TMEM132D: variants seen among roughly 807,000 people sequenced by gnomAD.
TMEM132D encodes the protein transmembrane protein 132D.
TMEM132D carries 21 observed loss-of-function variants against 62.3 expected under a neutral mutation model. The observed-to-expected ratio is 0.34, with a 90% CI of 0.24 to 0.49. TMEM132D has a LOEUF of 0.49. TMEM132D is among the 20% of genes least tolerant of loss of function. The pLI is 0.99. For missense variants in TMEM132D, 1,346 were observed against 1,402.8 expected (o/e 0.96, Z 0.65); for synonymous variants, 621 against 575.6 (o/e 1.08, Z -1.13).
At chr12:129,590,718 C>T (rs1324173110) in intron 2 of TMEM132D, among the ~76,000 whole-genome samples, 1 of 152,188 alleles carries the variant, frequency 6.6e-6, no homozygotes, top group African/African-American at 2.4e-5. Flanking sequence ...TCAATGGCAA[C>T]AGGGCTTGGG....
intron 1 of TMEM132D, among the ~76,000 whole-genome samples, chr12:129,790,310 C>CT (rs1303915331): frequency 6.6e-5 from 10 of 152,292 alleles, no homozygotes; most frequent in Non-Finnish European, 1.3e-4. Flanking sequence ...GTGTGGCAGT[C>CT]TTTTGCACTC....
At chr12:129,328,391 C>T (rs35557352) in intron 4 of TMEM132D, among the ~76,000 whole-genome samples, 6 of 152,160 alleles carry the variant, frequency 3.9e-5, no homozygotes, top group African/African-American at 1.4e-4. Context: ...TACATCATAG[C>T]TTATTTGTTC....
At chr12:129,757,918 T>C (rs188529381) in intron 1 of TMEM132D, among the ~76,000 whole-genome samples, 1 of 152,164 alleles carries the variant, frequency 6.6e-6, no homozygotes, top group Non-Finnish European at 1.5e-5. Context: ...ATTTTATTTT[T>C]TTGAGACAAA....
At chr12:129,137,445 A>C (rs1876617730) in intron 5 of TMEM132D, among the ~76,000 whole-genome samples, 1 of 152,198 alleles carries the variant, frequency 6.6e-6, no homozygotes, top group Admixed American at 6.5e-5. Flanking sequence ...AGGCTAAGTC[A>C]CTTGCTTAAG....
chr12:129,372,256 GCAA>G (rs1193991242), intron 3 of TMEM132D, among the ~76,000 whole-genome samples: 1 of 152,198 alleles, frequency 6.6e-6, no homozygotes, highest in Non-Finnish European at 1.5e-5. Context: ...CTGCAGGAGA[GCAA>G]ATTTGTATTG....
At chr12:129,330,482 T>G (rs1869068356) in intron 4 of TMEM132D, among the ~76,000 whole-genome samples, 2 of 152,198 alleles carry the variant, frequency 1.3e-5, no homozygotes, top group African/African-American at 4.8e-5. Context: ...GGCCCTACAC[T>G]CGTGAATGAA....
chr12:129,106,278 A>G (rs1162596645), intron 5 of TMEM132D, among the ~76,000 whole-genome samples: 2 of 106,732 alleles, frequency 1.9e-5, no homozygotes, highest in African/African-American at 8.1e-5. Flanking sequence ...GGGAGGGCGG[A>G]GGGGGGAGGG....
intron 1 of TMEM132D, among the ~76,000 whole-genome samples, chr12:129,893,361 G>A (rs1416273757): frequency 6.6e-6 from 1 of 152,102 alleles, no homozygotes; most frequent in Non-Finnish European, 1.5e-5. Context: ...TAAAAATCAG[G>A]ATTATGATTT....
chr12:129,149,225 T>A (rs969737011), intron 5 of TMEM132D, among the ~76,000 whole-genome samples: 3 of 57,756 alleles, frequency 5.2e-5, no homozygotes, highest in Non-Finnish European at 1.1e-4. Context: ...CAGGGCCTGT[T>A]GGGGGGTGGG....
chr12:129,177,736 C>T (rs1877944670), intron 5 of TMEM132D, among the ~76,000 whole-genome samples: 2 of 152,112 alleles, frequency 1.3e-5, no homozygotes, highest in South Asian at 4.2e-4. Flanking sequence ...CCAGCCTGGG[C>T]AATAGAATAA....
intron 1 of TMEM132D, among the ~76,000 whole-genome samples, chr12:129,711,013 A>T (rs1881628972): frequency 6.6e-6 from 1 of 151,142 alleles, no homozygotes; most frequent in Non-Finnish European, 1.5e-5. Flanking sequence ...AACCATATCC[A>T]CTCTCTAGGC....
At chr12:129,755,383 G>C (rs1368494884) in intron 1 of TMEM132D, among the ~76,000 whole-genome samples, 1 of 151,992 alleles carries the variant, frequency 6.6e-6, no homozygotes, top group African/African-American at 2.4e-5. Flanking sequence ...TTACACTTTC[G>C]AGTAGTATGC....
At chr12:129,261,460 T>C (rs2135595574) in intron 4 of TMEM132D, among the ~76,000 whole-genome samples, 1 of 152,314 alleles carries the variant, frequency 6.6e-6, no homozygotes, top group South Asian at 2.1e-4. Flanking sequence ...TCATTTGCCC[T>C]CCGCCATGAT....
chr12:129,430,090 A>G (rs11060342), intron 3 of TMEM132D, among the ~76,000 whole-genome samples: 47,603 of 152,050 alleles, frequency 0.31, 8,118 homozygotes, highest in East Asian at 0.48. Flanking sequence ...TCCTTTGGGT[A>G]TATACCCAGT....
At chr12:129,399,486 G>A (rs1871548434) in intron 3 of TMEM132D, among the ~76,000 whole-genome samples, 1 of 48,802 alleles carries the variant, frequency 2.0e-5, no homozygotes, top group South Asian at 5.6e-4. Context: ...TAATCCACTT[G>A]TGATGGCAGA....
At chr12:129,682,859 T>TAA (rs71451325) in intron 2 of TMEM132D, 2,863 of 81,140 alleles carry the variant, frequency 0.035, 128 homozygotes, top group Middle Eastern at 0.085. Context: ...ACTCCATCTC[T>TAA]AAAAAAAAAA....
chr12:129,205,195 G>T (rs745973259), intron 5 of TMEM132D, among the ~76,000 whole-genome samples: 2 of 152,056 alleles, frequency 1.3e-5, no homozygotes, highest in Non-Finnish European at 2.9e-5. Context: ...TGGGCTAAAT[G>T]CCTCAATTAA....
chr12:129,250,921 G>A (rs1241646177), intron 4 of TMEM132D, among the ~76,000 whole-genome samples: 2 of 152,198 alleles, frequency 1.3e-5, no homozygotes, highest in Non-Finnish European at 2.9e-5. Flanking sequence ...ATGTCAGCAG[G>A]TGCGTACGGT....
intron 1 of TMEM132D, among the ~76,000 whole-genome samples, chr12:129,864,502 C>T (rs896131192): frequency 6.6e-6 from 1 of 152,124 alleles, no homozygotes; most frequent in African/African-American, 2.4e-5. Context: ...TTTATTTTGA[C>T]CACTGAAAAA....
Sources: gnomAD v4.1 joint callset for allele counts (sites outside exome capture counted in the v4.1 genomes callset) on GRCh38, gnomAD v4.1.1 for gene constraint, MANE v1.5 for transcripts, NCBI Gene and HGNC (gene_info 2026-07-23, HGNC 2026-07-21) for gene names.